The following FADS3 variants were observed in gnomAD, a reference collection of about 807,000 sequenced individuals.
FADS3 encodes the protein cytochrome b5-related protein.
Under a neutral mutation model 60.4 loss-of-function variants are expected in FADS3, and 30 were observed. That is an observed-to-expected ratio of 0.50 (90% CI 0.37 to 0.67). The LOEUF is 0.67. Among genes scored for constraint, FADS3 ranks in the 30% least tolerant of loss-of-function variants. The pLI, the probability that FADS3 is intolerant of heterozygous loss-of-function variation, is 0.00. For missense variants in FADS3, 432 were observed against 598.3 expected, an observed-to-expected ratio of 0.72 and a Z score of 2.90; for synonymous variants, 234 against 249.3, an observed-to-expected ratio of 0.94 and a Z score of 0.58.
Position 61,879,429 on chromosome 11 carries a change from A to G in FADS3, c.405T>C (p.Phe135=). Residue 135 remains phenylalanine, a synonymous_variant, in exon 3 of 12, where the codon TTT becomes TTC. Transcript: ENST00000278829. The part of the protein sequence containing the change: ...MKLFDASPTF[F]AFLLGHILAM... ...CCAGGATGTGGCCCAGTAGGAAAGC[A>G]AAGAAGGTGGGACTGGCATCAAACA... is the stretch of plus-strand genomic sequence containing the variant. 1 of 1,605,574 alleles carries G rather than the reference A, an allele frequency of 6.2e-7. No homozygotes were observed. Among genetic ancestry groups the G allele is most frequent in the Non-Finnish European group, 8.5e-7 (1 of 1,176,798 alleles).
intron 1 of FADS3, among the ~76,000 whole-genome samples, chr11:61,883,407 C>T (rs192998539): frequency 6.6e-5 from 10 of 152,180 alleles, no homozygotes; most frequent in Non-Finnish European, 1.3e-4. Flanking sequence ...GCTGAGCCAG[C>T]GTGATGGTGA....
rs756801421 is a variant in FADS3 at position 61,876,788 on chromosome 11, G to A, written c.983+78C>T. ...ACCACTGGCCCCATTCTGCAGACGG[G>A]AAAAGGGAAGCTCTGGTGGGGGGCT... On this transcript the variant is annotated intron_variant, in intron 8 of 11. Transcript: ENST00000278829. This position sits in a 1 kb window ranked among gnomAD's most constrained non-coding sequence, Gnocchi z 5.7. 24 of 1,171,144 alleles carry A rather than the reference G, an allele frequency of 2.0e-5. No homozygotes were observed. In the South Asian group the frequency reaches 3.0e-4, roughly 15 times the overall value. 72.5% of individuals were successfully genotyped at this position (1,171,144 alleles called of 1,614,324 possible).
At position 61,875,862 on chromosome 11, in the gene FADS3, C is replaced by G. The variant is rs757772173; in HGVS notation, c.1275G>C (p.Val425=). The stretch of plus-strand genomic sequence containing the variant: ...GGCTGCAGCCTCACCTGACGATGTC[C>G]ACCAGCGCGGTGAGGAAGGGCTTCA... ...YEVKPFLTAL[V]DIVRSLKKSG... is the part of the protein sequence containing the mutation. The change falls in exon 11 of 12, where the codon GTG becomes GTC. Residue 425 remains valine, a synonymous_variant. Coordinates refer to ENST00000278829, the MANE Select transcript of FADS3 (RefSeq NM_021727.5). 8 of 1,613,128 alleles carry G rather than the reference C, an allele frequency of 5.0e-6. No homozygotes were observed. Among genetic ancestry groups the G allele is most frequent in the Non-Finnish European group, 6.8e-6 (8 of 1,179,642 alleles).
At chr11:61,880,221 C>T (rs1591195190) in intron 1 of FADS3, 70 bp from the exon 2 acceptor site, 2 of 1,289,272 alleles carry the variant, frequency 1.6e-6, no homozygotes, top group Non-Finnish European at 1.1e-6. Context: ...CCAGCAGAGA[C>T]AGGCGGAAGG....
chr11:61,876,745 G>T lies in FADS3; in HGVS notation c.983+121C>A. The T allele has an allele frequency of 1.2e-6, 1 of 865,142 alleles. No homozygotes were observed. The highest frequency in any genetic ancestry group is 1.9e-6 in the Non-Finnish European group (1 of 529,060). 53.6% of individuals were successfully genotyped at this position (865,142 alleles called of 1,614,324 possible). A position where few individuals can be genotyped will look rare whatever the true frequency, so the allele number is the denominator to read the frequency against. On this transcript the variant is annotated intron_variant, in intron 8 of 11. Transcript: ENST00000278829. This position sits in a 1 kb window ranked among gnomAD's most constrained non-coding sequence, Gnocchi z 5.7. ...CGCTTGTGTTTATGTGATTCCACCA[G>T]CAAGCCAGGGAGGCAGTACCACTGG...
In FADS3 at chr11:61,878,693, T is replaced by C. The variant is rs889071757; in HGVS notation, c.624+53A>G. On this transcript the variant is annotated intron_variant, in intron 4 of 11. Transcript: ENST00000278829. ...GTGCCCCCGACTGTGCCCACACACT[T>C]GGGCAGACCCAGCGCCACCCAGCAC... The C allele has an allele frequency of 6.0e-5, 97 of 1,612,306 alleles. 1 individual carries two copies. In the African/African-American group the frequency reaches 1.2e-3, roughly 20 times the overall value.
intron 1 of FADS3, chr11:61,890,311 C>A (rs954805274): frequency 6.6e-6 from 1 of 152,194 alleles, no homozygotes; most frequent in Admixed American, 6.5e-5. Flanking sequence ...AGTCCTGGGA[C>A]TGGACAGAAC....
intron 1 of FADS3, among the ~76,000 whole-genome samples, chr11:61,888,231 T>C (rs575152238): frequency 6.6e-6 from 1 of 152,356 alleles, no homozygotes; most frequent in South Asian, 2.1e-4. Context: ...GGGAATTTCC[T>C]GGCAGGAAGG....
chr11:61,880,055 C>T lies in FADS3; in HGVS notation c.310G>A (p.Asp104Asn). The T allele has an allele frequency of 6.2e-7, 1 of 1,613,894 alleles. No individual in the cohort carries two copies. The highest frequency in any genetic ancestry group is 8.5e-7 in the Non-Finnish European group (1 of 1,179,812). Residue 104 changes from aspartate to asparagine, a missense_variant, in exon 2 of 12, where the codon GAT becomes AAT. This residue lies in a region of FADS3 where 167 missense variants were observed against 188.8 expected (regional missense o/e 0.88). Transcript: ENST00000278829. ...CTCTGGCTCACATTCAGGGGTCCAT[C>T]CTGGCTGGGTTCTTCCGGAGCCAGC... The part of the protein sequence containing the change: ...GELAPEEPSQ[D>N]GPLNAQLVED...
Position 61,879,444 on chromosome 11 carries a change from G to C in FADS3, c.390C>G (p.Ala130=), listed in dbSNP as rs1226142015. ...QAAEDMKLFD[A]SPTFFAFLLG... The stretch of plus-strand genomic sequence containing the variant: ...GTAGGAAAGCAAAGAAGGTGGGACT[G>C]GCATCAAACAGCTTCATGTCCTCGG... The change falls in exon 3 of 12, where the codon GCC becomes GCG. Residue 130 remains alanine (A), a synonymous_variant. Coordinates refer to ENST00000278829, the MANE Select transcript of FADS3 (RefSeq NM_021727.5). 1.1e-5 allele frequency: 18 copies of C among 1,606,716 alleles called. No homozygotes were observed. The highest frequency in any genetic ancestry group is 1.7e-5 in the Admixed American group (1 of 58,826).
chr11:61,891,197 A>T lies in FADS3; in HGVS notation c.185T>A (p.Ile62Asn). 1 of 1,563,250 alleles carries T rather than the reference A, an allele frequency of 6.4e-7. No individual in the cohort carries two copies. The highest frequency in any genetic ancestry group is 8.7e-7 in the Non-Finnish European group (1 of 1,154,166). ...AQRHPGGSRL[I>N]GHHGAEDATD... ...GGCGTCCTCAGCGCCGTGGTGGCCGATGAGGCGGCTGCCCCCTGGGTGCCG... is the reference window on the plus strand; with the variant it reads ...GGCGTCCTCAGCGCCGTGGTGGCCGTTGAGGCGGCTGCCCCCTGGGTGCCG... The change falls in exon 1 of 12, where the codon ATC (isoleucine) becomes AAC (asparagine). Residue 62 changes from isoleucine to asparagine, a missense_variant. Ile to Asn is a moderately radical substitution (Grantham distance 149). This residue lies in a region of FADS3 where 167 missense variants were observed against 188.8 expected (regional missense o/e 0.88). Transcript: ENST00000278829.
Position 61,876,440 on chromosome 11 carries a change from G to A in FADS3, c.999C>T (p.His333=), listed in dbSNP as rs1937889200. ...FFVAVRVLES[H]WFVWITQMNH... ...TCATCTGTGTGATCCACACGAACCAGTGGCTTTCCAGGACCCTGTGGGGAG... is the reference window on the plus strand; with the variant it reads ...TCATCTGTGTGATCCACACGAACCAATGGCTTTCCAGGACCCTGTGGGGAG... The change falls in exon 9 of 12, where the codon CAC becomes CAT. Residue 333 remains histidine (H), a synonymous_variant. Transcript: ENST00000278829. This position sits in a 1 kb window ranked among gnomAD's most constrained non-coding sequence, Gnocchi z 5.7. 6.2e-7 allele frequency: 1 copy of A among 1,613,390 alleles called. No homozygotes were observed.
intron 1 of FADS3, among the ~76,000 whole-genome samples, chr11:61,885,211 A>T (rs1938271757): frequency 6.6e-6 from 1 of 152,004 alleles, no homozygotes; most frequent in South Asian, 2.1e-4. Flanking sequence ...CCCAAGCCCC[A>T]CCGTGAATCC....
At position 61,877,472 on chromosome 11, in the gene FADS3, G is replaced by A. The variant is rs1304317131; in HGVS notation, c.885+39C>T. On this transcript the variant is annotated intron_variant, in intron 7 of 11. Coordinates refer to ENST00000278829, the MANE Select transcript of FADS3 (RefSeq NM_021727.5). This position sits in a 1 kb window ranked among gnomAD's most constrained non-coding sequence, Gnocchi z 4.7. ...CCCCCGAGGCACCACCTCCTGCCAC[G>A]GCAGCCGTATGCCCGGGGTCCTGGG... 1.0e-5 allele frequency: 16 copies of A among 1,598,506 alleles called. No homozygotes were observed. The highest frequency in any genetic ancestry group is 2.2e-5 in the East Asian group (1 of 44,836).
intron 4 of FADS3, 30 bp downstream of exon 4, chr11:61,878,716 C>A (rs200649493): frequency 6.2e-7 from 1 of 1,612,378 alleles, no homozygotes; most frequent in African/African-American, 1.3e-5. Flanking sequence ...CGCCACCCAG[C>A]ACCTGGCTGA....
chr11:61,889,891 C>A (rs1938439294), intron 1 of FADS3, among the ~76,000 whole-genome samples: 1 of 152,194 alleles, frequency 6.6e-6, no homozygotes, highest in Non-Finnish European at 1.5e-5. Flanking sequence ...CCAGAGCAGG[C>A]ATCCACAAGA....
Position 61,880,147 on chromosome 11 carries a change from G to A in FADS3, c.218C>T (p.Ala73Val). 3 of 1,613,660 alleles carry A rather than the reference G, an allele frequency of 1.9e-6. No individual in the cohort carries two copies. The highest frequency in any genetic ancestry group is 2.5e-6 in the Non-Finnish European group (3 of 1,179,628). ...GAGATCTTGATGGAAGGCACGGAAG[G>A]CATCCTGAAGGAGAGCAGACAGTCA... ...GHHGAEDATD[A>V]FRAFHQDLNF... Residue 73 changes from alanine (A) to valine (V), a missense_variant, in exon 2 of 12, where the codon GCC becomes GTC. Around this residue, in one of 5 missense-constraint regions of FADS3, gnomAD observed 167 missense variants for 188.8 expected, o/e 0.88. Coordinates refer to ENST00000278829, the MANE Select transcript of FADS3 (RefSeq NM_021727.5).
rs969777282 is a variant in FADS3 at position 61,880,166 on chromosome 11, A to T, written c.214-15T>A. 1.9e-6 allele frequency: 3 copies of T among 1,607,978 alleles called. No homozygotes were observed. The highest frequency in any genetic ancestry group is 2.6e-6 in the Non-Finnish European group (3 of 1,174,722). On this transcript the variant is annotated splice_polypyrimidine_tract_variant and intron_variant, in intron 1 of 11. Coordinates refer to ENST00000278829, the MANE Select transcript of FADS3 (RefSeq NM_021727.5). The stretch of plus-strand genomic sequence containing the variant: ...CGGAAGGCATCCTGAAGGAGAGCAG[A>T]CAGTCAGGCGGACAGACAGACACAG...
chr11:61,879,992 G>T, intron 2 of FADS3, 49 bp downstream of exon 2: 1 of 1,476,850 alleles, frequency 6.8e-7, no homozygotes, highest in Non-Finnish European at 9.4e-7. Flanking sequence ...CAGCCCTCCA[G>T]CCATCCCCCT....
Sources: allele counts gnomAD v4.1 joint callset (sites outside exome capture counted in the v4.1 genomes callset), GRCh38; gene constraint gnomAD v4.1.1; regional missense constraint gnomAD v4.1.1; non-coding constraint Gnocchi (gnomAD v3.1); transcripts MANE v1.5; gene names NCBI Gene and HGNC (gene_info 2026-07-23, HGNC 2026-07-21).